Variants in PPIH observed in about 807,000 individuals in gnomAD.
PPIH encodes peptidyl-prolyl cis-trans isomerase H.
In PPIH, 16 loss-of-function variants were observed where a neutral mutation model predicts 27.6. That is an observed-to-expected ratio of 0.58 (90% CI 0.39 to 0.88). PPIH has a LOEUF of 0.88. Ranked by LOEUF, PPIH falls within the 40% of genes least tolerant of loss-of-function variation. The probability of loss-of-function intolerance (pLI) is 0.00; values close to 1 mark genes in which losing one functional copy is unlikely to be tolerated. For synonymous variants in PPIH, 63 were observed against 76.1 expected, an observed-to-expected ratio of 0.83 and a Z score of 0.90; for missense variants, 155 against 224.1, an observed-to-expected ratio of 0.69 and a Z score of 1.97.
At chr1:42,676,476 AAAAG>A (rs1305294148) in intron 9 of PPIH, 104 bp from the exon 10 acceptor site, 1 of 152,000 alleles carries the variant, frequency 6.6e-6, no homozygotes, top group African/African-American at 2.4e-5. Context: ...TCAAAAAAAA[AAAAG>A]AGAATAGCTG....
rs1454073544 is a variant in PPIH at position 42,658,919 on chromosome 1, G to T, written c.131+11G>T. ...GGCCGAGAACTTTAGGTAAGGACGT[G>T]CTCCAGCTCCGCTGGATTAGCTGAG... is the stretch of plus-strand genomic sequence containing the variant. On this transcript the variant is annotated intron_variant, in intron 2 of 9. Coordinates refer to ENST00000304979, the MANE Select transcript of PPIH (RefSeq NM_006347.4). 6.2e-7 allele frequency: 1 copy of T among 1,613,702 alleles called. No individual in the cohort carries two copies. Among genetic ancestry groups the T allele is most frequent in the South Asian group, 1.1e-5 (1 of 91,078 alleles).
At chr1:42,658,590 G>A (rs114212268) in intron 1 of PPIH, 78 bp downstream of exon 1, 2 of 1,483,534 alleles carry the variant, frequency 1.3e-6, no homozygotes, top group Non-Finnish European at 1.9e-6. Context: ...CACCCAGAGA[G>A]AGCGGACTCG....
intron 7 of PPIH, among the ~76,000 whole-genome samples, 167 bp downstream of exon 7, chr1:42,666,234 G>A (rs140251025): frequency 6.6e-6 from 1 of 152,274 alleles, no homozygotes; most frequent in East Asian, 1.9e-4. Context: ...TGTGGCTAGA[G>A]AACTAGAGGG....
chr1:42,670,644 C>T (rs987150086), intron 9 of PPIH, among the ~76,000 whole-genome samples: 11 of 151,870 alleles, frequency 7.2e-5, no homozygotes, highest in African/African-American at 1.7e-4. Context: ...TCCACAGGCC[C>T]GCTAGACCAG....
intron 8 of PPIH, 142 bp from the exon 9 acceptor site, chr1:42,667,209 T>C (rs1649387003): frequency 3.0e-6 from 2 of 669,776 alleles, no homozygotes; most frequent in Non-Finnish European, 5.3e-6. Context: ...ATAGGTATTA[T>C]ATGCTTTACC....
chr1:42,667,954 T>C (rs1449890031), intron 9 of PPIH, among the ~76,000 whole-genome samples: 17 of 152,228 alleles, frequency 1.1e-4, no homozygotes, highest in South Asian at 4.1e-4. Context: ...CATGGACTCA[T>C]TTCTTACCCG....
intron 9 of PPIH, among the ~76,000 whole-genome samples, chr1:42,673,338 A>G (rs140045627): frequency 1.3e-4 from 20 of 152,320 alleles, no homozygotes; most frequent in African/African-American, 4.6e-4. Context: ...ATGAACCTCT[A>G]CACTCAGGAT....
At chr1:42,680,060 T>C (rs1425300370), downstream of PPIH, among the ~76,000 whole-genome samples, 1 of 152,208 alleles carries the variant, frequency 6.6e-6, no homozygotes, top group African/African-American at 2.4e-5. Context: ...AGCAATACAG[T>C]GTGTTAAGAT....
rs1483367721 is a variant in PPIH, at chr1:42,659,528, T to C, written c.162T>C (p.Asp54=). ...RQFCTGEFRK[D]GVPIGYKGST... is the part of the protein sequence containing the mutation. ...TCTTTCTTTTCGGTTATAGGAAAGA[T>C]GGGGTTCCAATAGGATACAAAGGAA... The change falls in exon 4 of 10, where the codon GAT becomes GAC. Residue 54 remains aspartate, a synonymous_variant. Coordinates refer to ENST00000304979, the MANE Select transcript of PPIH (RefSeq NM_006347.4). 3 of 1,614,220 alleles carry C rather than the reference T, an allele frequency of 1.9e-6. No individual in the cohort carries two copies. The highest frequency in any genetic ancestry group is 2.5e-6 in the Non-Finnish European group (3 of 1,180,058).
Position 42,659,555 on chromosome 1 carries a change from C to T in PPIH, c.189C>T (p.Ser63=), listed in dbSNP as rs771288983. 1 of 1,613,858 alleles carries T rather than the reference C, an allele frequency of 6.2e-7. No individual in the cohort carries two copies. The highest frequency in any genetic ancestry group is 8.5e-7 in the Non-Finnish European group (1 of 1,180,010). The change falls in exon 4 of 10, where the codon AGC becomes AGT. Residue 63 remains serine (S), a synonymous_variant. Coordinates refer to ENST00000304979, the MANE Select transcript of PPIH (RefSeq NM_006347.4). The part of the protein sequence containing the change: ...KDGVPIGYKG[S]TFHRVIKDFM... Reference sequence around the variant, plus strand: ...GGGTTCCAATAGGATACAAAGGAAGCACCTTCCACAGGTAAGGCTCTTGGC... The same window carrying T: ...GGGTTCCAATAGGATACAAAGGAAGTACCTTCCACAGGTAAGGCTCTTGGC...
chr1:42,678,504 A>C (rs1417860731), downstream of PPIH, among the ~76,000 whole-genome samples: 1 of 152,100 alleles, frequency 6.6e-6, no homozygotes, highest in Non-Finnish European at 1.5e-5. Context: ...GGTTCAAGCG[A>C]TTCTCCTGCT....
At chr1:42,672,841 G>T (rs562942698) in intron 9 of PPIH, among the ~76,000 whole-genome samples, 1 of 152,092 alleles carries the variant, frequency 6.6e-6, no homozygotes, top group Non-Finnish European at 1.5e-5. Flanking sequence ...TAGAGACAGG[G>T]TTTCACCAAG....
At chr1:42,677,641 T>C (rs1649929491), downstream of PPIH, among the ~76,000 whole-genome samples, 1 of 152,138 alleles carries the variant, frequency 6.6e-6, no homozygotes, top group African/African-American at 2.4e-5. Context: ...CAAGACCTTG[T>C]CTGTACACAA....
At chr1:42,660,787 C>G in intron 4 of PPIH, 75 bp from the exon 5 acceptor site, 1 of 1,260,064 alleles carries the variant, frequency 7.9e-7, no homozygotes, top group Non-Finnish European at 1.1e-6. Flanking sequence ...CAACGTTAAT[C>G]TAATACAATA....
chr1:42,666,489 G>T, intron 7 of PPIH, 58 bp from the exon 8 acceptor site: 1 of 1,546,154 alleles, frequency 6.5e-7, no homozygotes. Flanking sequence ...AATGGGCTTT[G>T]GAAGCTGGAA....
At position 42,676,651 on chromosome 1, in the gene PPIH, T is replaced by G. The variant is rs1649901135; in HGVS notation, c.*89T>G. 6.6e-6 allele frequency: 1 copy of G among 152,048 alleles called. No homozygotes were observed. The highest frequency in any genetic ancestry group is 6.6e-5 in the Admixed American group (1 of 15,248). 9.4% of individuals were successfully genotyped at this position (152,048 alleles called of 1,614,324 possible). A position where few individuals can be genotyped will look rare whatever the true frequency, so the allele number is the denominator to read the frequency against. On this transcript the variant is annotated 3_prime_UTR_variant, in exon 10 of 10. Coordinates refer to ENST00000304979, the MANE Select transcript of PPIH (RefSeq NM_006347.4). The stretch of plus-strand genomic sequence containing the variant: ...GGACTGGCCCCCGTCTTTGCTTCCC[T>G]GCCTGCTGCTGCCCCATTTGATCAA...
In PPIH at chr1:42,658,879, C is replaced by A. The variant is rs746550481; in HGVS notation, c.102C>A (p.Asp34Glu). The A allele has an allele frequency of 6.2e-7, 1 of 1,614,218 alleles. No individual in the cohort carries two copies. The highest frequency in any genetic ancestry group is 1.7e-5 in the Admixed American group (1 of 60,032). The change falls in exon 2 of 10, where the codon GAC becomes GAA. Residue 34 changes from aspartate (D) to glutamate (E), a missense_variant. Around this residue, in one of 2 missense-constraint regions of PPIH, gnomAD observed 59 missense variants for 48.8 expected, o/e 1.21. Transcript: ENST00000304979. Reference protein sequence around the residue: ...VGRMKIELFADVVPKTAENFR... With the variant: ...VGRMKIELFAEVVPKTAENFR... ...GCATGAAGATCGAGCTCTTTGCAGA[C>A]GTTGTGCCTAAGACGGCCGAGAACT...
At chr1:42,666,108 C>A in intron 7 of PPIH, 41 bp downstream of exon 7, 1 of 1,570,104 alleles carries the variant, frequency 6.4e-7, no homozygotes, top group Non-Finnish European at 8.8e-7. Flanking sequence ...CCCCATTCAC[C>A]CTGGATGGAA....
intron 9 of PPIH, among the ~76,000 whole-genome samples, chr1:42,668,936 G>C (rs531139596): frequency 1.3e-5 from 2 of 152,128 alleles, no homozygotes; most frequent in South Asian, 2.1e-4. Context: ...AGCCCGGCAG[G>C]AGGTGGCTCA....
Sources: allele counts gnomAD v4.1 joint callset (sites outside exome capture counted in the v4.1 genomes callset), GRCh38; gene constraint gnomAD v4.1.1; regional missense constraint gnomAD v4.1.1; transcripts MANE v1.5; gene names NCBI Gene and HGNC (gene_info 2026-07-23, HGNC 2026-07-21).